PCDH11X: variants seen among roughly 807,000 people sequenced by gnomAD.
The protein encoded by PCDH11X is protocadherin 11 X-linked.
In PCDH11X, 18 loss-of-function variants were observed where a neutral mutation model predicts 53.3. The ratio of observed to expected loss-of-function variants is 0.34; its 90% CI spans 0.23 to 0.50. The LOEUF (loss-of-function observed/expected upper bound fraction) is 0.50. Ranked by LOEUF, PCDH11X falls within the 20% of genes least tolerant of loss-of-function variation. The pLI is 0.98. For missense variants in PCDH11X, 570 were observed against 1,032.4 expected, an observed-to-expected ratio of 0.55 and a Z score of 6.14; for synonymous variants, 279 against 393.3, an observed-to-expected ratio of 0.71 and a Z score of 3.44.
chrX:92,520,889 T>C (rs1276499249), intron 10 of PCDH11X, among the ~76,000 whole-genome samples: 1 of 111,714 alleles, frequency 9.0e-6, no homozygotes, highest in Non-Finnish European at 1.9e-5. Flanking sequence ...TGCTCATCCT[T>C]AAGAAGCAAC....
chrX:92,588,295 C>T (rs1441897866), intron 10 of PCDH11X, among the ~76,000 whole-genome samples: 1 of 97,926 alleles, frequency 1.0e-5, no homozygotes, highest in East Asian at 3.2e-4. Context: ...ATGTTTATTA[C>T]ACTTCTGTCC....
intron 8 of PCDH11X, among the ~76,000 whole-genome samples, chrX:92,336,068 T>C (rs2069611359): frequency 9.0e-6 from 1 of 111,589 alleles, no homozygotes; most frequent in Non-Finnish European, 1.9e-5. Flanking sequence ...GTGATTTTGT[T>C]TGTGCTCATT....
intron 8 of PCDH11X, among the ~76,000 whole-genome samples, chrX:92,281,856 C>G (rs1010098926): frequency 9.0e-6 from 1 of 111,649 alleles, no homozygotes; most frequent in Non-Finnish European, 1.9e-5. Flanking sequence ...GAAAAAAATT[C>G]TTTCATTCAA....
intron 5 of PCDH11X, among the ~76,000 whole-genome samples, chrX:91,868,385 A>G (rs959646575): frequency 4.5e-5 from 5 of 111,777 alleles, no homozygotes; most frequent in Non-Finnish European, 9.4e-5. Flanking sequence ...GGGACACAGA[A>G]GAAATGGCCT....
At chrX:92,266,206 C>T (rs200629435) in intron 8 of PCDH11X, among the ~76,000 whole-genome samples, 1 of 111,845 alleles carries the variant, frequency 8.9e-6, no homozygotes, top group East Asian at 2.8e-4. Context: ...GCAAATGTTT[C>T]TATAAAAAGT....
chrX:92,170,943 C>T (rs2065815464), intron 6 of PCDH11X, among the ~76,000 whole-genome samples: 1 of 76,165 alleles, frequency 1.3e-5, no homozygotes, highest in Non-Finnish European at 3.0e-5. Context: ...AGGCGTGATC[C>T]ACTGCGCCCG....
chrX:91,853,283 T>C (rs898979833), intron 5 of PCDH11X, among the ~76,000 whole-genome samples: 17 of 111,386 alleles, frequency 1.5e-4, no homozygotes, highest in African/African-American at 5.5e-4. Flanking sequence ...ACAAAAGTTT[T>C]TCAATATTAA....
At chrX:91,870,772 C>T (rs1347999527) in intron 5 of PCDH11X, among the ~76,000 whole-genome samples, 3 of 109,203 alleles carry the variant, frequency 2.7e-5, no homozygotes, top group Non-Finnish European at 3.8e-5. Flanking sequence ...GTTTTCTTAC[C>T]CAAAGAGAGA....
chrX:92,012,552 G>A (rs770541119), intron 6 of PCDH11X, among the ~76,000 whole-genome samples: 2 of 111,628 alleles, frequency 1.8e-5, no homozygotes, highest in Admixed American at 9.6e-5. Context: ...AAGTATAAAT[G>A]TATACAAATA....
intron 10 of PCDH11X, among the ~76,000 whole-genome samples, chrX:92,564,830 A>C (rs1280078247): frequency 2.7e-5 from 3 of 111,207 alleles, no homozygotes; most frequent in Non-Finnish European, 1.9e-5. Context: ...AAGGGAAGAG[A>C]CAACCTGCAG....
intron 5 of PCDH11X, among the ~76,000 whole-genome samples, chrX:91,870,561 A>T (rs1304514837): frequency 1.8e-5 from 2 of 110,547 alleles, no homozygotes; most frequent in African/African-American, 6.5e-5. Flanking sequence ...ACTAACATTT[A>T]AAAAAAAGAA....
At chrX:92,409,138 T>C (rs2071590262) in intron 9 of PCDH11X, among the ~76,000 whole-genome samples, 1 of 105,418 alleles carries the variant, frequency 9.5e-6, no homozygotes, top group African/African-American at 3.6e-5. Context: ...TTTATTTTGC[T>C]AGCATGACTT....
In PCDH11X at chrX:91,877,410, G is replaced by A. The variant is rs143117560; in HGVS notation, c.1170G>A (p.Ala390=). Reference sequence around the variant, plus strand: ...TCATAACTGTGACGGATAAGGATGCGGACCATAATGGCAGGGTGACATGCT... The same window carrying A: ...TCATAACTGTGACGGATAAGGATGCAGACCATAATGGCAGGGTGACATGCT... ...IALITVTDKD[A]DHNGRVTCFT... Residue 390 remains alanine (A), a synonymous_variant, in exon 6 of 11, where the codon GCG becomes GCA. Coordinates refer to ENST00000682573, the MANE Select transcript of PCDH11X (RefSeq NM_032968.5). 15 of 1,209,682 alleles carry A rather than the reference G, an allele frequency of 1.2e-5. No individual in the cohort carries two copies. The highest frequency in any genetic ancestry group is 7.0e-5 in the South Asian group (4 of 56,810).
intron 9 of PCDH11X, among the ~76,000 whole-genome samples, chrX:92,444,633 C>T (rs1348305727): frequency 9.5e-6 from 1 of 105,503 alleles, no homozygotes; most frequent in African/African-American, 3.4e-5. Context: ...AAAGGGAGTG[C>T]TTCCAGCTTT....
At chrX:91,785,252 G>T (rs1335698830) in intron 1 of PCDH11X, among the ~76,000 whole-genome samples, 7 of 98,856 alleles carry the variant, frequency 7.1e-5, no homozygotes, top group Admixed American at 2.3e-4. Flanking sequence ...TGTGGGATTG[G>T]TATAGCGGCT....
At chrX:92,325,874 C>T (rs985141211) in intron 8 of PCDH11X, among the ~76,000 whole-genome samples, 4 of 111,485 alleles carry the variant, frequency 3.6e-5, no homozygotes, top group African/African-American at 1.3e-4. Flanking sequence ...CCTGTTATTT[C>T]TCTCTGTAGT....
At chrX:92,105,056 CAGAG>C (rs200381520) in intron 6 of PCDH11X, among the ~76,000 whole-genome samples, 18,384 of 110,655 alleles carry the variant, frequency 0.17, 1,338 homozygotes, top group East Asian at 0.4. Flanking sequence ...AGTGTATAAT[CAGAG>C]AGGTGTCCCT....
At chrX:92,409,564 A>G (rs763854168) in intron 9 of PCDH11X, among the ~76,000 whole-genome samples, 1 of 112,665 alleles carries the variant, frequency 8.9e-6, no homozygotes, top group Non-Finnish European at 1.9e-5. Context: ...CATGTAGATG[A>G]CAATAGCAGA....
intron 9 of PCDH11X, among the ~76,000 whole-genome samples, chrX:92,466,601 A>C (rs774024832): frequency 4.4e-4 from 49 of 110,329 alleles, no homozygotes; most frequent in African/African-American, 1.5e-3. Flanking sequence ...AATTTTAAGG[A>C]AAATTAATCA....
Sources: gnomAD v4.1 joint callset for allele counts (sites outside exome capture counted in the v4.1 genomes callset) on GRCh38, gnomAD v4.1.1 for gene constraint, MANE v1.5 for transcripts, NCBI Gene and HGNC (gene_info 2026-07-23, HGNC 2026-07-21) for gene names.